SPRYD4: variants seen among roughly 807,000 people sequenced by gnomAD.
The protein encoded by SPRYD4 is SPRY domain containing 4.
Under a neutral mutation model 16.6 loss-of-function variants are expected in SPRYD4, and 12 were observed. The observed-to-expected ratio is 0.72, with a 90% CI of 0.46 to 1.17. SPRYD4 has a LOEUF of 1.17. Among genes scored for constraint, SPRYD4 ranks in the 50% most tolerant of loss-of-function variants. SPRYD4 has a pLI of 0.00. For missense variants in SPRYD4, 260 were observed against 260.2 expected (o/e 1.00, Z 0.00); for synonymous variants, 98 against 105.4 (o/e 0.93, Z 0.43).
chr12:56,474,631 A>G lies in SPRYD4; in HGVS notation c.*5054A>G, dbSNP rs776159597. On this transcript the variant is annotated 3_prime_UTR_variant, in exon 2 of 2. Transcript: ENST00000338146. The stretch of plus-strand genomic sequence containing the variant: ...TGCGCACTGCTTCAGCACTCAGCAC[A>G]CTCTCGCCTGTGATGGGGCAGATCC... 3.1e-6 allele frequency: 5 copies of G among 1,614,126 alleles called. No individual in the cohort carries two copies. The highest frequency in any genetic ancestry group is 2.2e-5 in the South Asian group (2 of 91,086).
In SPRYD4 at chr12:56,477,266, G is replaced by A. The variant is rs145508467; in HGVS notation, c.*7689G>A. On this transcript the variant is annotated 3_prime_UTR_variant, in exon 2 of 2. Transcript: ENST00000338146. Reference sequence around the variant, plus strand: ...TGACGTGAATAACTGCCCTGGCCTGGCCATTCACCCTTGCCTGCAGGTGTC... The same window carrying A: ...TGACGTGAATAACTGCCCTGGCCTGACCATTCACCCTTGCCTGCAGGTGTC... The A allele has an allele frequency of 4.1e-4, 66 of 162,186 alleles. 1 individual carries two copies. The highest frequency in any genetic ancestry group is 1.5e-3 in the African/African-American group (62 of 41,882). 10.0% of individuals were successfully genotyped at this position (162,186 alleles called of 1,614,324 possible).
In SPRYD4 at chr12:56,475,286, A is replaced by C; in HGVS notation, c.*5709A>C. ...TTCTGAACCTGAGCAAACACTCAGCATAGTTTTGTTATAAAGTAAACCCAA... is the reference window on the plus strand; with the variant it reads ...TTCTGAACCTGAGCAAACACTCAGCCTAGTTTTGTTATAAAGTAAACCCAA... On this transcript the variant is annotated 3_prime_UTR_variant, in exon 2 of 2. Coordinates refer to ENST00000338146, the MANE Select transcript of SPRYD4 (RefSeq NM_207344.4). The C allele has an allele frequency of 3.4e-6, 5 of 1,484,700 alleles. No individual in the cohort carries two copies. The South Asian group carries it at 6.2e-5, about 18-fold the overall frequency. 92.0% of individuals were successfully genotyped at this position (1,484,700 alleles called of 1,614,324 possible).
Position 56,474,460 on chromosome 12 carries a change from TTCC to T in SPRYD4, c.*4884_*4886del, listed in dbSNP as rs1869606838. ...TAGTGAATGAGAGGCAGGAACAAGC[TTCC>T]ACCTCTATCTTGAGAGAGTCAGTGT... is the stretch of plus-strand genomic sequence containing the variant. On this transcript the variant is annotated 3_prime_UTR_variant, in exon 2 of 2. Coordinates refer to ENST00000338146, the MANE Select transcript of SPRYD4 (RefSeq NM_207344.4). 18 of 1,547,256 alleles carry T rather than the reference TTCC, an allele frequency of 1.2e-5. No homozygotes were observed. Among genetic ancestry groups the T allele is most frequent in the Non-Finnish European group, 1.5e-5 (17 of 1,138,232 alleles).
Position 56,472,185 on chromosome 12 carries a change from A to C in SPRYD4, c.*2608A>C. 1.2e-6 allele frequency: 2 copies of C among 1,614,192 alleles called. No individual in the cohort carries two copies. The highest frequency in any genetic ancestry group is 1.7e-6 in the Non-Finnish European group (2 of 1,180,024). Reference sequence around the variant, plus strand: ...TCTTTCTGTTCCATATCCATGGCTGACAAGGCAAACCTGAGGGTAGTGGGA... The same window carrying C: ...TCTTTCTGTTCCATATCCATGGCTGCCAAGGCAAACCTGAGGGTAGTGGGA... On this transcript the variant is annotated 3_prime_UTR_variant, in exon 2 of 2. Coordinates refer to ENST00000338146, the MANE Select transcript of SPRYD4 (RefSeq NM_207344.4).
At position 56,471,487 on chromosome 12, in the gene SPRYD4, T is replaced by C; in HGVS notation, c.*1910T>C. On this transcript the variant is annotated 3_prime_UTR_variant, in exon 2 of 2. Coordinates refer to ENST00000338146, the MANE Select transcript of SPRYD4 (RefSeq NM_207344.4). Reference sequence around the variant, plus strand: ...AGCAGGGGCTGTCCATGACCTGTGCTCATACCATGCTTTCTAAGTTCTCTT... The same window carrying C: ...AGCAGGGGCTGTCCATGACCTGTGCCCATACCATGCTTTCTAAGTTCTCTT... 2 of 1,612,140 alleles carry C rather than the reference T, an allele frequency of 1.2e-6. No homozygotes were observed. The highest frequency in any genetic ancestry group is 1.7e-6 in the Non-Finnish European group (2 of 1,178,948).
In SPRYD4 at chr12:56,472,944, G is replaced by A. The variant is rs1235018482; in HGVS notation, c.*3367G>A. On this transcript the variant is annotated 3_prime_UTR_variant, in exon 2 of 2. Transcript: ENST00000338146. Reference sequence around the variant, plus strand: ...GCTCTGTCGTTCAGGCTGAAGTGTAGTGGCGCGCGGTCTTGGCTCACTGCA... The same window carrying A: ...GCTCTGTCGTTCAGGCTGAAGTGTAATGGCGCGCGGTCTTGGCTCACTGCA... 1 of 560,392 alleles carries A rather than the reference G, an allele frequency of 1.8e-6. No homozygotes were observed. Among genetic ancestry groups the A allele is most frequent in the South Asian group, 2.1e-5 (1 of 47,454 alleles). 34.7% of individuals were successfully genotyped at this position (560,392 alleles called of 1,614,324 possible). A position where few individuals can be genotyped will look rare whatever the true frequency, so the allele number is the denominator to read the frequency against.
chr12:56,473,088 A>T lies in SPRYD4; in HGVS notation c.*3511A>T. On this transcript the variant is annotated 3_prime_UTR_variant, in exon 2 of 2. Transcript: ENST00000338146. ...GTATTTTCAATAGAGACCAGGTTTC[A>T]CCGTGTTAGCCAGGATGGTCTTGAT... The T allele has an allele frequency of 1.3e-6, 1 of 748,894 alleles. No homozygotes were observed. Among genetic ancestry groups the T allele is most frequent in the Non-Finnish European group, 2.2e-6 (1 of 457,840 alleles). 46.4% of individuals were successfully genotyped at this position (748,894 alleles called of 1,614,324 possible).
rs1225146158 is a variant in SPRYD4, at chr12:56,475,674, C to T, written c.*6097C>T. The stretch of plus-strand genomic sequence containing the variant: ...CATTCCCAGCCATTTTGTTGAGATA[C>T]TGCAACACCTGGAAGAGAAAAAGGG... On this transcript the variant is annotated 3_prime_UTR_variant, in exon 2 of 2. Transcript: ENST00000338146. The T allele has an allele frequency of 2.5e-6, 4 of 1,614,188 alleles. No individual in the cohort carries two copies. Among genetic ancestry groups the T allele is most frequent in the Non-Finnish European group, 3.4e-6 (4 of 1,180,022 alleles).
Position 56,471,038 on chromosome 12 carries a change from G to A in SPRYD4, c.*1461G>A, listed in dbSNP as rs1013758534. 1 of 263,214 alleles carries A rather than the reference G, an allele frequency of 3.8e-6. No individual in the cohort carries two copies. Among genetic ancestry groups the A allele is most frequent in the African/African-American group, 2.2e-5 (1 of 45,564 alleles). 16.3% of individuals were successfully genotyped at this position (263,214 alleles called of 1,614,324 possible). A position where few individuals can be genotyped will look rare whatever the true frequency, so the allele number is the denominator to read the frequency against. On this transcript the variant is annotated 3_prime_UTR_variant, in exon 2 of 2. Transcript: ENST00000338146. ...TTAGCAGTAGCAGCAGCATGTCCTGGCCAAGGGGAGTAGATTTCTCCAGAC... is the reference window on the plus strand; with the variant it reads ...TTAGCAGTAGCAGCAGCATGTCCTGACCAAGGGGAGTAGATTTCTCCAGAC...
rs1203175359 is a variant in SPRYD4, at chr12:56,479,571, G to A, written c.*9994G>A. ...CTAATATTTACTTCTGGGAAAAGAG[G>A]ACAGGGATTGAGTAGGGAGGGAAAG... On this transcript the variant is annotated 3_prime_UTR_variant, in exon 2 of 2. Transcript: ENST00000338146. 1.9e-6 allele frequency: 1 copy of A among 539,982 alleles called. No individual in the cohort carries two copies. The highest frequency in any genetic ancestry group is 3.5e-5 in the East Asian group (1 of 28,298). 33.4% of individuals were successfully genotyped at this position (539,982 alleles called of 1,614,324 possible). A position where few individuals can be genotyped will look rare whatever the true frequency, so the allele number is the denominator to read the frequency against.
In SPRYD4 at chr12:56,475,892, G is replaced by A. The variant is rs1869763178; in HGVS notation, c.*6315G>A. ...GAGAGCCACTGGGGCAGCTGGAGAGGACAGCATGCCATGGCGAAATGCAGC... is the reference window on the plus strand; with the variant it reads ...GAGAGCCACTGGGGCAGCTGGAGAGAACAGCATGCCATGGCGAAATGCAGC... On this transcript the variant is annotated 3_prime_UTR_variant, in exon 2 of 2. Coordinates refer to ENST00000338146, the MANE Select transcript of SPRYD4 (RefSeq NM_207344.4). 1.3e-6 allele frequency: 2 copies of A among 1,592,532 alleles called. No homozygotes were observed. The highest frequency in any genetic ancestry group is 1.7e-6 in the Non-Finnish European group (2 of 1,160,706).
chr12:56,475,326 A>C lies in SPRYD4; in HGVS notation c.*5749A>C. The C allele has an allele frequency of 8.0e-7, 1 of 1,243,060 alleles. No homozygotes were observed. The highest frequency in any genetic ancestry group is 1.1e-6 in the Non-Finnish European group (1 of 911,810). 77.0% of individuals were successfully genotyped at this position (1,243,060 alleles called of 1,614,324 possible). On this transcript the variant is annotated 3_prime_UTR_variant, in exon 2 of 2. Coordinates refer to ENST00000338146, the MANE Select transcript of SPRYD4 (RefSeq NM_207344.4). ...AGTAAACCCAAACCAAACACCCCAA[A>C]CTGTCTAGTCATCTAGGAAAACTGG... is the stretch of plus-strand genomic sequence containing the variant.
At position 56,471,385 on chromosome 12, in the gene SPRYD4, C is replaced by A; in HGVS notation, c.*1808C>A. 7.9e-7 allele frequency: 1 copy of A among 1,262,898 alleles called. No homozygotes were observed. 78.2% of individuals were successfully genotyped at this position (1,262,898 alleles called of 1,614,324 possible). ...AGTCACCAAATGACTGCTTGGTCCC[C>A]ACTGAAGCAGTGTAGCTCTCCATAG... On this transcript the variant is annotated 3_prime_UTR_variant, in exon 2 of 2. Coordinates refer to ENST00000338146, the MANE Select transcript of SPRYD4 (RefSeq NM_207344.4).
chr12:56,469,011 T>C, intron 1 of SPRYD4, 28 bp from the exon 2 acceptor site: 6 of 1,535,562 alleles, frequency 3.9e-6, no homozygotes, highest in Non-Finnish European at 5.3e-6. Context: ...GCCCCTGTTA[T>C]TATCCCGTCT....
rs1869792664 is a variant in SPRYD4, at chr12:56,476,162, TTTC to T, written c.*6588_*6590del. The T allele has an allele frequency of 3.9e-6, 2 of 512,104 alleles. No individual in the cohort carries two copies. The highest frequency in any genetic ancestry group is 3.4e-6 in the Non-Finnish European group (1 of 293,440). The allele number at this position is 512,104 out of a possible 1,614,324, so 31.7% of individuals were successfully genotyped here. A position where few individuals can be genotyped will look rare whatever the true frequency, so the allele number is the denominator to read the frequency against. On this transcript the variant is annotated 3_prime_UTR_variant, in exon 2 of 2. Coordinates refer to ENST00000338146, the MANE Select transcript of SPRYD4 (RefSeq NM_207344.4). The stretch of plus-strand genomic sequence containing the variant: ...ACTTCCATTGGCTCCTCTCTTTCTC[TTTC>T]TTTTTTTTGAGACAGTCTTGCTTTG...
chr12:56,472,225 G>A lies in SPRYD4; in HGVS notation c.*2648G>A, dbSNP rs1206103319. 6.3e-7 allele frequency: 1 copy of A among 1,599,206 alleles called. No homozygotes were observed. ...GGGTAGTGGGAAAGCAGCTAGAGTT[G>A]CCTAGATCAGACTGGAATCACAGGT... is the stretch of plus-strand genomic sequence containing the variant. On this transcript the variant is annotated 3_prime_UTR_variant, in exon 2 of 2. Transcript: ENST00000338146.
At position 56,472,682 on chromosome 12, in the gene SPRYD4, A is replaced by G; in HGVS notation, c.*3105A>G. On this transcript the variant is annotated 3_prime_UTR_variant, in exon 2 of 2. Coordinates refer to ENST00000338146, the MANE Select transcript of SPRYD4 (RefSeq NM_207344.4). ...TTTATTGTGTATATTTGGTCACAGT[A>G]GCATTACCTTCGAAGAGCTGAGACA... The G allele has an allele frequency of 6.2e-7, 1 of 1,612,952 alleles. No individual in the cohort carries two copies. The highest frequency in any genetic ancestry group is 8.5e-7 in the Non-Finnish European group (1 of 1,179,050).
Position 56,471,534 on chromosome 12 carries a change from C to G in SPRYD4, c.*1957C>G, listed in dbSNP as rs1401309541. 6.2e-7 allele frequency: 1 copy of G among 1,614,168 alleles called. No homozygotes were observed. Among genetic ancestry groups the G allele is most frequent in the Non-Finnish European group, 8.5e-7 (1 of 1,180,022 alleles). Reference sequence around the variant, plus strand: ...TCTTTGGACAGGGCCTCAGCTGCTGCCTCAGCCTGAGTTTCAGAGAGTGTG... The same window carrying G: ...TCTTTGGACAGGGCCTCAGCTGCTGGCTCAGCCTGAGTTTCAGAGAGTGTG... On this transcript the variant is annotated 3_prime_UTR_variant, in exon 2 of 2. Transcript: ENST00000338146.
chr12:56,478,526 T>G lies in SPRYD4; in HGVS notation c.*8949T>G. On this transcript the variant is annotated 3_prime_UTR_variant, in exon 2 of 2. Transcript: ENST00000338146. ...AGAATTCTGAGGCAACCTTCCCCTTTTGGTTCTTAGGCTCAGTTACCCTAT... is the reference window on the plus strand; with the variant it reads ...AGAATTCTGAGGCAACCTTCCCCTTGTGGTTCTTAGGCTCAGTTACCCTAT... 2.2e-6 allele frequency: 1 copy of G among 465,106 alleles called. No homozygotes were observed. Among genetic ancestry groups the G allele is most frequent in the Non-Finnish European group, 3.9e-6 (1 of 255,796 alleles). The allele number at this position is 465,106 out of a possible 1,614,324, so 28.8% of individuals were successfully genotyped here. A position where few individuals can be genotyped will look rare whatever the true frequency, so the allele number is the denominator to read the frequency against.
Sources: allele counts gnomAD v4.1 joint callset, GRCh38; gene constraint gnomAD v4.1.1; transcripts MANE v1.5; gene names NCBI Gene and HGNC (gene_info 2026-07-23, HGNC 2026-07-21).